Variants in ATP6V1C1 observed in about 807,000 individuals in gnomAD.
ATP6V1C1 encodes the protein V-type proton ATPase subunit C 1.
In ATP6V1C1, 45 loss-of-function variants were observed where a neutral mutation model predicts 53.9. That is an observed-to-expected ratio of 0.83 (90% CI 0.66 to 1.07). The LOEUF (loss-of-function observed/expected upper bound fraction) is 1.07, where lower values mean the gene tolerates loss of function less well. Ranked by LOEUF, ATP6V1C1 falls within the 50% of genes least tolerant of loss-of-function variation. ATP6V1C1 has a pLI of 0.00. For synonymous variants in ATP6V1C1, 153 were observed against 155.2 expected, an observed-to-expected ratio of 0.99 and a Z score of 0.11; for missense variants, 315 against 440.3, an observed-to-expected ratio of 0.72 and a Z score of 2.55.
At chr8:103,059,148 G>T (rs560199800) in intron 8 of ATP6V1C1, among the ~76,000 whole-genome samples, 13 of 152,164 alleles carry the variant, frequency 8.5e-5, no homozygotes, top group Admixed American at 5.9e-4. Context: ...AAGCAGAGGA[G>T]CCTAGCTAAG....
chr8:103,048,934 G>T lies in ATP6V1C1; in HGVS notation c.265G>T (p.Glu89Ter). Residue 89 changes from glutamate to a stop codon, truncating the protein, a stop_gained, in exon 4 of 13, where the codon GAG becomes TAG. Coordinates refer to ENST00000518738, the MANE Select transcript of ATP6V1C1 (RefSeq NM_001695.5). LOFTEE classifies it high-confidence loss of function. ...GGAAGATAGCAAAGACAAAGTTCAA[G>T]AGAATCTGTTGGCTAATGGAGGTAA... ...VLEDSKDKVQ[E>*]NLLANGVDLV... The T allele has an allele frequency of 6.2e-7, 1 of 1,613,204 alleles. No homozygotes were observed.
At chr8:103,043,138 T>G (rs1461382232) in intron 3 of ATP6V1C1, among the ~76,000 whole-genome samples, 1 of 152,190 alleles carries the variant, frequency 6.6e-6, no homozygotes, top group Non-Finnish European at 1.5e-5. Flanking sequence ...GGTCATATGG[T>G]AACTCTATGC....
At chr8:103,044,821 G>A (rs900915887) in intron 3 of ATP6V1C1, among the ~76,000 whole-genome samples, 2 of 151,966 alleles carry the variant, frequency 1.3e-5, no homozygotes, top group Non-Finnish European at 2.9e-5. Context: ...TTGGGGAGTA[G>A]TATCATCCTA....
chr8:103,053,328 C>T (rs924076484), intron 6 of ATP6V1C1, among the ~76,000 whole-genome samples: 1 of 151,874 alleles, frequency 6.6e-6, no homozygotes, highest in Non-Finnish European at 1.5e-5. Flanking sequence ...TGAAAGTATT[C>T]AAGTTGTGCC....
chr8:103,051,643 A>T (rs538425287), intron 5 of ATP6V1C1, among the ~76,000 whole-genome samples: 1 of 152,242 alleles, frequency 6.6e-6, no homozygotes, highest in Admixed American at 6.5e-5. Flanking sequence ...AGTTTCAGGG[A>T]GTACATGGAC....
Position 103,021,161 on chromosome 8 carries a change from G to C in ATP6V1C1, c.-104G>C, listed in dbSNP as rs1816576391. On this transcript the variant is annotated 5_prime_UTR_variant, in exon 1 of 13. Coordinates refer to ENST00000518738, the MANE Select transcript of ATP6V1C1 (RefSeq NM_001695.5). ...AGGGATGGATCGCTGAGCCGATAGCGTCCGCTAGGCTGTCTGCCTCGGTAC... is the reference window on the plus strand; with the variant it reads ...AGGGATGGATCGCTGAGCCGATAGCCTCCGCTAGGCTGTCTGCCTCGGTAC... 1.3e-5 allele frequency: 2 copies of C among 152,928 alleles called. No individual in the cohort carries two copies. The highest frequency in any genetic ancestry group is 2.9e-5 in the Non-Finnish European group (2 of 68,248). The allele number at this position is 152,928 out of a possible 1,614,324, so 9.5% of individuals were successfully genotyped here.
chr8:103,040,413 CAA>C (rs34987267), intron 1 of ATP6V1C1, among the ~76,000 whole-genome samples: 3 of 132,338 alleles, frequency 2.3e-5, no homozygotes. Flanking sequence ...GACACTGTCT[CAA>C]AAAAAAAAAA....
chr8:103,042,901 T>C (rs1817026470), intron 3 of ATP6V1C1, among the ~76,000 whole-genome samples: 2 of 152,260 alleles, frequency 1.3e-5, no homozygotes, highest in Admixed American at 1.3e-4. Context: ...TTTTGAAGTT[T>C]ATCCCAGCAG....
At chr8:103,033,030 A>G (rs906234956) in intron 1 of ATP6V1C1, among the ~76,000 whole-genome samples, 7 of 152,236 alleles carry the variant, frequency 4.6e-5, no homozygotes, top group African/African-American at 1.7e-4. Context: ...ACTAATACAT[A>G]CAACACGGAC....
intron 1 of ATP6V1C1, among the ~76,000 whole-genome samples, chr8:103,023,874 G>GC (rs1229041873): frequency 3.3e-5 from 5 of 150,340 alleles, no homozygotes; most frequent in African/African-American, 1.2e-4. Context: ...TTTTTGAAGT[G>GC]CACAGTAGTC....
At chr8:103,059,710 C>G (rs1490152994) in intron 8 of ATP6V1C1, among the ~76,000 whole-genome samples, 1 of 151,988 alleles carries the variant, frequency 6.6e-6, no homozygotes, top group African/African-American at 2.4e-5. Flanking sequence ...GCTCTGACTC[C>G]CTCATCCCTT....
chr8:103,067,598 CT>C lies in ATP6V1C1; in HGVS notation c.1054-1035del, dbSNP rs764474136. On this transcript the variant is annotated intron_variant, in intron 12 of 12. Transcript: ENST00000518738. Reference sequence around the variant, plus strand: ...GACTTGCTACACTTTTTTTCTTTTTCTTTTTTTTTTTTTTTTTTTCGAGATG... The same window carrying C: ...GACTTGCTACACTTTTTTTCTTTTTCTTTTTTTTTTTTTTTTTTCGAGATG... Among the ~76,000 whole-genome samples the C allele has an allele frequency of 3.4e-3, 396 of 114,932 alleles. 1 individual carries two copies. Among genetic ancestry groups the C allele is most frequent in the African/African-American group, 5.3e-3 (162 of 30,800 alleles). 75.4% of individuals were successfully genotyped at this position (114,932 alleles called of 152,430 possible).
chr8:103,068,700 C>A lies in ATP6V1C1; in HGVS notation c.1102C>A (p.Pro368Thr). 6.2e-7 allele frequency: 1 copy of A among 1,611,342 alleles called. No homozygotes were observed. The highest frequency in any genetic ancestry group is 8.5e-7 in the Non-Finnish European group (1 of 1,178,902). The stretch of plus-strand genomic sequence containing the variant: ...AAACCTGAGTCAACAAGAATACTAC[C>A]CCTATGTGTACTACAAGATTGATTG... The part of the protein sequence containing the change: ...GLNLSQQEYY[P>T]YVYYKIDCNL... Residue 368 changes from proline (P) to threonine (T), a missense_variant, in exon 13 of 13, where the codon CCC becomes ACC. Transcript: ENST00000518738.
intron 8 of ATP6V1C1, among the ~76,000 whole-genome samples, chr8:103,060,165 A>G (rs1026213781): frequency 6.6e-6 from 1 of 151,646 alleles, no homozygotes; most frequent in Non-Finnish European, 1.5e-5. Context: ...GTGAGGTTTC[A>G]CTATGTCGGC....
Position 103,064,826 on chromosome 8 carries a change from T to C in ATP6V1C1, c.926+15T>C. Reference sequence around the variant, plus strand: ...TCTGTTTTAAGGTAAAGCAAGTTAATTGCCAAACTTGGAACTGAAGAGTTC... The same window carrying C: ...TCTGTTTTAAGGTAAAGCAAGTTAACTGCCAAACTTGGAACTGAAGAGTTC... On this transcript the variant is annotated intron_variant, in intron 11 of 12. Transcript: ENST00000518738. 1 of 1,608,300 alleles carries C rather than the reference T, an allele frequency of 6.2e-7. No homozygotes were observed. Among genetic ancestry groups the C allele is most frequent in the Non-Finnish European group, 8.5e-7 (1 of 1,177,068 alleles).
chr8:103,068,569 A>G (rs1563611774), intron 12 of ATP6V1C1, 83 bp from the exon 13 acceptor site: 2 of 1,045,008 alleles, frequency 1.9e-6, no homozygotes, highest in East Asian at 2.7e-5. Context: ...TAGATGTTCA[A>G]TAAAAAGGTA....
At chr8:103,033,598 C>T (rs1371251533) in intron 1 of ATP6V1C1, among the ~76,000 whole-genome samples, 1 of 152,132 alleles carries the variant, frequency 6.6e-6, no homozygotes, top group Non-Finnish European at 1.5e-5. Flanking sequence ...TGCTCCCCCA[C>T]CCCCAGAGAA....
chr8:103,054,065 CA>C lies in ATP6V1C1; in HGVS notation c.572+84del, dbSNP rs1817246980. ...TCTAGTATTGTAGTTTGAAGTTTTC[CA>C]TAAAATCCAAGCGTAAAAGGAATAT... On this transcript the variant is annotated intron_variant, in intron 7 of 12. Transcript: ENST00000518738. 5.5e-5 allele frequency: 60 copies of C among 1,094,560 alleles called. 2 individuals carry two copies. In the South Asian group the frequency reaches 9.0e-4, roughly 16 times the overall value. 67.8% of individuals were successfully genotyped at this position (1,094,560 alleles called of 1,614,324 possible).
chr8:103,022,828 T>G (rs1235645563), intron 1 of ATP6V1C1, among the ~76,000 whole-genome samples: 1 of 151,862 alleles, frequency 6.6e-6, no homozygotes, highest in Non-Finnish European at 1.5e-5. Context: ...GTGGGAGGAT[T>G]GCCTGAGGCC....
Sources: allele counts gnomAD v4.1 joint callset (sites outside exome capture counted in the v4.1 genomes callset), GRCh38; gene constraint gnomAD v4.1.1; transcripts MANE v1.5; gene names NCBI Gene and HGNC (gene_info 2026-07-23, HGNC 2026-07-21).